The following ANK3 variants were observed in gnomAD, a reference collection of about 807,000 sequenced individuals.
ANK3 encodes ankyrin 3, also known as ankyrin-3.
Under a neutral mutation model 370.9 loss-of-function variants are expected in ANK3, and 57 were observed. That is an observed-to-expected ratio of 0.15 (90% CI 0.12 to 0.19). ANK3 has a LOEUF of 0.19. Ranked by LOEUF, ANK3 falls within the 10% of genes least tolerant of loss-of-function variation. ANK3 has a pLI of 1.00. For synonymous variants in ANK3, 1,929 were observed against 1,946.3 expected, an observed-to-expected ratio of 0.99 and a Z score of 0.23; for missense variants, 4,439 against 5,302.1, an observed-to-expected ratio of 0.84 and a Z score of 5.06.
At chr10:60,555,207 C>G (rs930166583) in intron 2 of ANK3, among the ~76,000 whole-genome samples, 2 of 152,144 alleles carry the variant, frequency 1.3e-5, no homozygotes, top group Non-Finnish European at 2.9e-5. Context: ...CATAGTGGCT[C>G]ACACCCATGA....
chr10:60,553,248 T>C (rs762408793), intron 2 of ANK3, among the ~76,000 whole-genome samples: 13 of 150,698 alleles, frequency 8.6e-5, no homozygotes, highest in Admixed American at 8.0e-4. Flanking sequence ...TGGTCTGCCT[T>C]ATACCCACTG....
chr10:60,328,917 C>G (rs1452253435), intron 1 of ANK3, among the ~76,000 whole-genome samples: 1 of 152,096 alleles, frequency 6.6e-6, no homozygotes, highest in Non-Finnish European at 1.5e-5. Flanking sequence ...CAGTAGCACA[C>G]CAAAAAGCTT....
At chr10:60,618,848 T>C (rs2078298337) in intron 1 of ANK3, among the ~76,000 whole-genome samples, 1 of 152,166 alleles carries the variant, frequency 6.6e-6, no homozygotes, top group South Asian at 2.1e-4. Flanking sequence ...GTTTGGCTCC[T>C]ATTCACCTGA....
intron 42 of ANK3, among the ~76,000 whole-genome samples, chr10:60,051,260 T>TA (rs1474678997): frequency 3.3e-5 from 5 of 152,052 alleles, no homozygotes; most frequent in Non-Finnish European, 5.9e-5. Flanking sequence ...CCGCCACATA[T>TA]CAAATAGGCC....
chr10:60,548,792 A>G (rs1025588622), intron 2 of ANK3, among the ~76,000 whole-genome samples: 7 of 152,040 alleles, frequency 4.6e-5, no homozygotes, highest in Non-Finnish European at 7.4e-5. Context: ...CCCATTCCCA[A>G]TCTCATTTAA....
intron 2 of ANK3, among the ~76,000 whole-genome samples, chr10:60,577,875 A>G (rs1446557835): frequency 6.6e-6 from 1 of 152,228 alleles, no homozygotes; most frequent in Non-Finnish European, 1.5e-5. Context: ...ACATCTTCTT[A>G]CAGCAACTGG....
At chr10:60,269,992 G>A (rs1373105421) in intron 5 of ANK3, 139 bp downstream of exon 5, 1 of 453,116 alleles carries the variant, frequency 2.2e-6, no homozygotes. Flanking sequence ...TTATAGTAAT[G>A]TATTTCATAA....
At chr10:60,445,852 C>A (rs972642437) in intron 2 of ANK3, among the ~76,000 whole-genome samples, 33 of 152,202 alleles carry the variant, frequency 2.2e-4, no homozygotes, top group African/African-American at 7.5e-4. Flanking sequence ...AAAATACAGA[C>A]AATGAAAGTA....
chr10:60,459,851 G>A (rs193245078), intron 2 of ANK3, among the ~76,000 whole-genome samples: 10 of 152,146 alleles, frequency 6.6e-5, no homozygotes, highest in Admixed American at 2.0e-4. Context: ...AATATTTTCA[G>A]TGCTTCCTTT....
At chr10:60,447,783 C>T (rs2064488833) in intron 2 of ANK3, among the ~76,000 whole-genome samples, 1 of 152,114 alleles carries the variant, frequency 6.6e-6, no homozygotes, top group Admixed American at 6.6e-5. Context: ...GGAAAGAAGC[C>T]TGGACTAGCA....
chr10:60,674,581 C>T (rs1164421765), intron 1 of ANK3, among the ~76,000 whole-genome samples: 1 of 152,196 alleles, frequency 6.6e-6, no homozygotes, highest in East Asian at 1.9e-4. Context: ...ACAGCCCCAC[C>T]TCCAACAATG....
Position 60,070,927 on chromosome 10 carries a change from G to A in ANK3, c.9954C>T (p.Ser3318=), listed in dbSNP as rs374022277. Residue 3318 remains serine (S), a synonymous_variant, in exon 37 of 44, where the codon AGC becomes AGT. Coordinates refer to ENST00000280772, the MANE Select transcript of ANK3 (RefSeq NM_020987.5). The surrounding 1 kb of genome is among the most constrained non-coding windows in gnomAD (Gnocchi z 5.7). ...CTGGCTGATAAATAGATTCGTCATC[G>A]CTTGAATCACTGACGTCTGCCCCGG... ...VPPGADVSDS[S]DDESIYQPVP... The A allele has an allele frequency of 4.3e-5, 70 of 1,613,848 alleles. No homozygotes were observed. The highest frequency in any genetic ancestry group is 8.3e-5 in the Admixed American group (5 of 59,972).
chr10:60,691,552 A>G (rs1473902170), intron 1 of ANK3, among the ~76,000 whole-genome samples: 1 of 152,212 alleles, frequency 6.6e-6, no homozygotes, highest in African/African-American at 2.4e-5. Context: ...CGGCATGTCA[A>G]AGGTAATTTC....
chr10:60,363,294 C>T (rs1458670387), intron 1 of ANK3, among the ~76,000 whole-genome samples: 4 of 152,164 alleles, frequency 2.6e-5, no homozygotes, highest in Non-Finnish European at 4.4e-5. Flanking sequence ...CGAAATAGCA[C>T]CAGCAGCTGT....
chr10:60,084,929 T>C, intron 31 of ANK3, 99 bp from the exon 32 acceptor site: 1 of 936,048 alleles, frequency 1.1e-6, no homozygotes, highest in Non-Finnish European at 1.6e-6. Context: ...GTAAAGGAAC[T>C]AACCCAAAAC....
intron 2 of ANK3, among the ~76,000 whole-genome samples, chr10:60,469,094 T>TACAC (rs1555377124): frequency 7.9e-5 from 3 of 38,000 alleles, no homozygotes; most frequent in African/African-American, 3.1e-4. Flanking sequence ...TATATATATA[T>TACAC]ACCACTTTTA....
At chr10:60,088,401 T>A in intron 28 of ANK3, 43 bp from the exon 29 acceptor site, 1 of 1,509,468 alleles carries the variant, frequency 6.6e-7, no homozygotes. Context: ...AATAAGCATA[T>A]CTACAACATA....
At chr10:60,534,605 C>T (rs1415831424) in intron 2 of ANK3, among the ~76,000 whole-genome samples, 7 of 152,150 alleles carry the variant, frequency 4.6e-5, no homozygotes, top group African/African-American at 1.7e-4. Context: ...TCTGCAACAA[C>T]CTAAATTTCC....
intron 2 of ANK3, among the ~76,000 whole-genome samples, chr10:60,553,012 G>A (rs574682572): frequency 6.1e-4 from 93 of 152,292 alleles, no homozygotes; most frequent in African/African-American, 2.2e-3. Context: ...TGGCCATGTG[G>A]AAGTGTAAGT....
Sources: allele counts gnomAD v4.1 joint callset (sites outside exome capture counted in the v4.1 genomes callset), GRCh38; gene constraint gnomAD v4.1.1; non-coding constraint Gnocchi (gnomAD v3.1); transcripts MANE v1.5; gene names NCBI Gene and HGNC (gene_info 2026-07-23, HGNC 2026-07-21).